Variants in CPA6 observed in about 807,000 individuals in gnomAD.
CPA6 encodes the protein carboxypeptidase B.
In CPA6, 58 loss-of-function variants were observed where a neutral mutation model predicts 63.3. The ratio of observed to expected loss-of-function variants is 0.92; its 90% confidence interval spans 0.74 to 1.14. The LOEUF (loss-of-function observed/expected upper bound fraction) is 1.14, where lower values mean the gene tolerates loss of function less well. Among genes scored for constraint, CPA6 ranks in the 50% most tolerant of loss-of-function variants. The probability of loss-of-function intolerance (pLI) is 0.00; values close to 1 mark genes in which losing one functional copy is unlikely to be tolerated. For synonymous variants in CPA6, 185 were observed against 179.0 expected (o/e 1.03, Z -0.27); for missense variants, 565 against 526.6 (o/e 1.07, Z -0.71).
chr8:67,441,014 C>G (rs556450354), intron 8 of CPA6, among the ~76,000 whole-genome samples: 70 of 152,110 alleles, frequency 4.6e-4, no homozygotes, highest in African/African-American at 1.6e-3. Context: ...GGTCATATTC[C>G]AAGGTTTCAG....
At chr8:67,682,391 C>T (rs933876144) in intron 1 of CPA6, among the ~76,000 whole-genome samples, 6 of 151,900 alleles carry the variant, frequency 3.9e-5, no homozygotes, top group African/African-American at 7.3e-5. Flanking sequence ...GTGTCTTTTT[C>T]GTATTTTCTG....
chr8:67,556,997 G>C (rs975112406), intron 2 of CPA6, among the ~76,000 whole-genome samples: 2 of 152,224 alleles, frequency 1.3e-5, no homozygotes, highest in African/African-American at 4.8e-5. Flanking sequence ...ATGGTTGGGG[G>C]AGACGATAAT....
chr8:67,613,877 T>G (rs1814872569), intron 2 of CPA6, among the ~76,000 whole-genome samples: 1 of 152,040 alleles, frequency 6.6e-6, no homozygotes, highest in African/African-American at 2.4e-5. Context: ...GGCAGAATGA[T>G]GCGGCAGAGA....
At chr8:67,596,036 C>G (rs905647185) in intron 2 of CPA6, among the ~76,000 whole-genome samples, 4 of 152,206 alleles carry the variant, frequency 2.6e-5, no homozygotes, top group African/African-American at 7.2e-5. Context: ...GCTCCTCCCC[C>G]CAGTGTTGAT....
At chr8:67,545,414 C>T (rs2128971692) in intron 2 of CPA6, among the ~76,000 whole-genome samples, 1 of 152,258 alleles carries the variant, frequency 6.6e-6, no homozygotes, top group East Asian at 1.9e-4. Flanking sequence ...CAGGTAGATT[C>T]TGTCTCTGAA....
chr8:67,637,514 A>G (rs1044102048), intron 1 of CPA6, among the ~76,000 whole-genome samples: 2 of 151,632 alleles, frequency 1.3e-5, no homozygotes, highest in African/African-American at 4.9e-5. Context: ...GATGGGACTC[A>G]GTCTGAGAAA....
At chr8:67,443,672 T>C (rs1810346489) in intron 8 of CPA6, among the ~76,000 whole-genome samples, 1 of 152,174 alleles carries the variant, frequency 6.6e-6, no homozygotes, top group Admixed American at 6.5e-5. Flanking sequence ...TTCCCCTCAG[T>C]CTCTTAACCA....
At chr8:67,643,305 A>G (rs956207514) in intron 1 of CPA6, among the ~76,000 whole-genome samples, 9 of 152,172 alleles carry the variant, frequency 5.9e-5, no homozygotes, top group African/African-American at 2.2e-4. Context: ...ACAAAACTAA[A>G]CTAGAAACAA....
At chr8:67,562,438 G>A (rs746474730) in intron 2 of CPA6, among the ~76,000 whole-genome samples, 14 of 152,122 alleles carry the variant, frequency 9.2e-5, no homozygotes, top group Non-Finnish European at 1.6e-4. Context: ...GGTTGAAAGC[G>A]CTAAGCCCTC....
At chr8:67,467,282 C>T (rs1378321467) in intron 8 of CPA6, among the ~76,000 whole-genome samples, 1 of 152,204 alleles carries the variant, frequency 6.6e-6, no homozygotes, top group Non-Finnish European at 1.5e-5. Flanking sequence ...GCTTCAATCA[C>T]TCCCTTTGTG....
chr8:67,568,385 C>G (rs561036089), intron 2 of CPA6, among the ~76,000 whole-genome samples: 12 of 152,118 alleles, frequency 7.9e-5, no homozygotes, highest in Non-Finnish European at 1.6e-4. Flanking sequence ...GTTCAGTAAA[C>G]TTCAAGAATA....
At chr8:67,487,538 G>A (rs1403930318) in intron 6 of CPA6, among the ~76,000 whole-genome samples, 2 of 152,156 alleles carry the variant, frequency 1.3e-5, no homozygotes, top group African/African-American at 4.8e-5. Context: ...CTTTATAGTA[G>A]CATGATTTAT....
At chr8:67,684,981 T>G (rs954909769) in intron 1 of CPA6, among the ~76,000 whole-genome samples, 6 of 152,242 alleles carry the variant, frequency 3.9e-5, no homozygotes, top group Admixed American at 2.0e-4. Flanking sequence ...GGCTATACAT[T>G]CCCAACTTGC....
At position 67,662,439 on chromosome 8, in the gene CPA6, C is replaced by CAT. The variant is rs77234906; in HGVS notation, c.117-38189_117-38188insAT. On this transcript the variant is annotated intron_variant, in intron 1 of 10. Coordinates refer to ENST00000297770, the MANE Select transcript of CPA6 (RefSeq NM_020361.5). ...TATGTATATATAGAATACATACACA[C>CAT]GTATATGTATATATAGAATACATAC... is the stretch of plus-strand genomic sequence containing the variant. Among the ~76,000 whole-genome samples, 3 of 147,492 alleles carry CAT rather than the reference C, an allele frequency of 2.0e-5. No homozygotes were observed. In the Admixed American group the frequency reaches 2.0e-4, roughly 10 times the overall value.
At position 67,617,097 on chromosome 8, in the gene CPA6, C is replaced by T. The variant is rs556616512; in HGVS notation, c.192+7079G>A. Among the ~76,000 whole-genome samples, 17 of 152,226 alleles carry T rather than the reference C, an allele frequency of 1.1e-4. No homozygotes were observed. The South Asian group carries it at 3.5e-3, about 32-fold the overall frequency. ...AAATTCTTATAATAGAAAAGAAACACGATCAGCTTAAAATACTACTGCATA... is the reference window on the plus strand; with the variant it reads ...AAATTCTTATAATAGAAAAGAAACATGATCAGCTTAAAATACTACTGCATA... On this transcript the variant is annotated intron_variant, in intron 2 of 10. Transcript: ENST00000297770.
At chr8:67,741,499 A>C (rs756631097) in intron 1 of CPA6, among the ~76,000 whole-genome samples, 49 of 152,204 alleles carry the variant, frequency 3.2e-4, no homozygotes, top group Non-Finnish European at 4.8e-4. Flanking sequence ...GCCGCACAGC[A>C]GGAGGTGAGT....
At chr8:67,487,903 T>C (rs1811518427) in intron 6 of CPA6, among the ~76,000 whole-genome samples, 1 of 152,206 alleles carries the variant, frequency 6.6e-6, no homozygotes, top group Non-Finnish European at 1.5e-5. Flanking sequence ...TTTGATGGGA[T>C]TGTTTTTTTC....
chr8:67,489,253 A>G (rs191391935), intron 6 of CPA6, among the ~76,000 whole-genome samples: 24 of 152,144 alleles, frequency 1.6e-4, no homozygotes, highest in African/African-American at 5.3e-4. Context: ...CCTGTCATTT[A>G]CATTTCTGTT....
At chr8:67,579,881 C>T (rs1282586858) in intron 2 of CPA6, among the ~76,000 whole-genome samples, 1 of 152,210 alleles carries the variant, frequency 6.6e-6, no homozygotes, top group Non-Finnish European at 1.5e-5. Flanking sequence ...AACACAGAGA[C>T]CATATGGCCC....
Sources: gnomAD v4.1 joint callset for allele counts (sites outside exome capture counted in the v4.1 genomes callset) on GRCh38, gnomAD v4.1.1 for gene constraint, MANE v1.5 for transcripts, NCBI Gene and HGNC (gene_info 2026-07-23, HGNC 2026-07-21) for gene names.